RARB: variants seen among roughly 807,000 people sequenced by gnomAD.
RARB encodes retinoic acid receptor beta.
Under a neutral mutation model 51.9 loss-of-function variants are expected in RARB, and 17 were observed. The observed-to-expected ratio is 0.33, with a 90% confidence interval of 0.22 to 0.49. The LOEUF (loss-of-function observed/expected upper bound fraction) is 0.49, where lower values mean the gene tolerates loss of function less well. Among genes scored for constraint, RARB ranks in the 20% least tolerant of loss-of-function variants. The pLI, the probability that RARB is intolerant of heterozygous loss-of-function variation, is 0.99. For synonymous variants in RARB, 215 were observed against 195.4 expected (o/e 1.10, Z -0.84); for missense variants, 369 against 550.8 (o/e 0.67, Z 3.30).
chr3:25,055,430 T>C (rs1698415943), intron 2 of RARB, among the ~76,000 whole-genome samples: 1 of 152,128 alleles, frequency 6.6e-6, no homozygotes, highest in Non-Finnish European at 1.5e-5. Flanking sequence ...CCCTTAAGAA[T>C]TGAAAGTACA....
intron 2 of RARB, among the ~76,000 whole-genome samples, chr3:24,947,722 G>T (rs544802967): frequency 2.0e-5 from 3 of 152,176 alleles, no homozygotes; most frequent in Non-Finnish European, 2.9e-5. Context: ...TAGCCATAGT[G>T]TGCGAAGAAG....
At chr3:25,372,817 C>T (rs1706341008) in intron 5 of RARB, among the ~76,000 whole-genome samples, 1 of 152,014 alleles carries the variant, frequency 6.6e-6, no homozygotes, top group South Asian at 2.1e-4. Context: ...CAGAGGAAGA[C>T]TCTATCTCCA....
At chr3:25,385,037 C>T (rs1417095591) in intron 5 of RARB, among the ~76,000 whole-genome samples, 2 of 152,166 alleles carry the variant, frequency 1.3e-5, no homozygotes, top group Admixed American at 6.5e-5. Context: ...GTTGTACCCC[C>T]ATGGCCGTAG....
intron 3 of RARB, among the ~76,000 whole-genome samples, chr3:25,108,979 A>C (rs1699555710): frequency 6.6e-6 from 1 of 152,138 alleles, no homozygotes; most frequent in Admixed American, 6.5e-5. Flanking sequence ...CAGGCTTGGG[A>C]GTCATTCAGA....
chr3:25,285,421 G>A (rs940696739), intron 5 of RARB, among the ~76,000 whole-genome samples: 3 of 152,176 alleles, frequency 2.0e-5, no homozygotes, highest in African/African-American at 7.2e-5. Flanking sequence ...GGCTGTGCAG[G>A]GGTTTGTAGG....
At chr3:25,583,611 C>T (rs1701271686) in intron 5 of RARB, among the ~76,000 whole-genome samples, 1 of 152,168 alleles carries the variant, frequency 6.6e-6, no homozygotes, top group Non-Finnish European at 1.5e-5. Context: ...GAGGTGAGAG[C>T]CCTCATAATA....
At chr3:25,523,776 T>C (rs1431281527) in intron 3 of RARB, among the ~76,000 whole-genome samples, 1 of 152,228 alleles carries the variant, frequency 6.6e-6, no homozygotes, top group Non-Finnish European at 1.5e-5. Flanking sequence ...ACTCACACTT[T>C]CGGAGCTAAA....
intron 1 of RARB, among the ~76,000 whole-genome samples, chr3:25,460,396 T>G (rs2125554197): frequency 6.6e-6 from 1 of 151,786 alleles, no homozygotes; most frequent in South Asian, 2.1e-4. Context: ...TTTGGGCATT[T>G]TCTTCATTTG....
chr3:25,200,449 A>C (rs1701361292), intron 5 of RARB, among the ~76,000 whole-genome samples: 1 of 152,082 alleles, frequency 6.6e-6, no homozygotes, highest in African/African-American at 2.4e-5. Context: ...TAGTTTGATT[A>C]GATCCCATTT....
intron 1 of RARB, among the ~76,000 whole-genome samples, chr3:24,829,484 C>G (rs1404745720): frequency 1.3e-5 from 2 of 152,056 alleles, no homozygotes; most frequent in African/African-American, 4.8e-5. Context: ...GAGCCCCAAG[C>G]TGGGTCTGGA....
chr3:25,152,839 A>G (rs1392021916), intron 4 of RARB, among the ~76,000 whole-genome samples: 1 of 152,224 alleles, frequency 6.6e-6, no homozygotes, highest in East Asian at 1.9e-4. Flanking sequence ...TGTGAACATC[A>G]AAATTCATAA....
intron 4 of RARB, among the ~76,000 whole-genome samples, chr3:25,141,499 A>G (rs1343683629): frequency 1.3e-5 from 2 of 152,178 alleles, no homozygotes; most frequent in African/African-American, 4.8e-5. Flanking sequence ...GGCAGCATCC[A>G]TGGAAATCTT....
chr3:24,944,094 T>C (rs1178437645), intron 2 of RARB, among the ~76,000 whole-genome samples: 2 of 152,208 alleles, frequency 1.3e-5, no homozygotes, highest in African/African-American at 2.4e-5. Flanking sequence ...CCTGTCATGA[T>C]TGAAGTCTGA....
At chr3:24,872,715 C>T (rs1702971176) in intron 2 of RARB, among the ~76,000 whole-genome samples, 1 of 152,110 alleles carries the variant, frequency 6.6e-6, no homozygotes, top group African/African-American at 2.4e-5. Context: ...GGGTCCGCTC[C>T]CATGACCCAA....
intron 1 of RARB, among the ~76,000 whole-genome samples, chr3:25,458,978 T>C (rs1695042105): frequency 2.6e-5 from 4 of 152,228 alleles, no homozygotes; most frequent in Non-Finnish European, 4.4e-5. Flanking sequence ...TTATCTGCCA[T>C]GTGCCAGGAC....
intron 2 of RARB, among the ~76,000 whole-genome samples, chr3:25,037,655 G>A (rs1698024956): frequency 1.3e-5 from 2 of 152,068 alleles, no homozygotes; most frequent in South Asian, 2.1e-4. Flanking sequence ...ACCTACCAAG[G>A]GCTAGGGGAG....
At chr3:24,907,569 G>C (rs1694893448) in intron 2 of RARB, among the ~76,000 whole-genome samples, 1 of 152,280 alleles carries the variant, frequency 6.6e-6, no homozygotes, top group East Asian at 1.9e-4. Flanking sequence ...GGCAAGAGAA[G>C]CTGAGTGGAA....
intron 2 of RARB, among the ~76,000 whole-genome samples, chr3:24,941,456 G>A (rs13068931): frequency 0.16 from 23,768 of 150,154 alleles, 2,125 homozygotes; most frequent in Non-Finnish European, 0.21. Flanking sequence ...TGCAACCTCC[G>A]CCTCCCTGGT....
At chr3:25,573,287 G>A (rs1012134863) in intron 4 of RARB, among the ~76,000 whole-genome samples, 1 of 152,172 alleles carries the variant, frequency 6.6e-6, no homozygotes, top group African/African-American at 2.4e-5. Flanking sequence ...GCCTAAGAGA[G>A]AGAGGCTTCC....
Sources: gnomAD v4.1 joint callset for allele counts (sites outside exome capture counted in the v4.1 genomes callset) on GRCh38, gnomAD v4.1.1 for gene constraint, MANE v1.5 for transcripts, NCBI Gene and HGNC (gene_info 2026-07-23, HGNC 2026-07-21) for gene names.